The following PLXNB1 variants were observed in gnomAD, a reference collection of about 807,000 sequenced individuals.
PLXNB1 encodes plexin-B1.
Under a neutral mutation model 209.4 loss-of-function variants are expected in PLXNB1, and 106 were observed. The ratio of observed to expected loss-of-function variants is 0.51; its 90% CI spans 0.43 to 0.59. The LOEUF is 0.59. Ranked by LOEUF, PLXNB1 falls within the 20% of genes least tolerant of loss-of-function variation. PLXNB1 has a pLI of 0.00. For synonymous variants in PLXNB1, 1,167 were observed against 1,183.2 expected (o/e 0.99, Z 0.28); for missense variants, 2,357 against 2,853.2 (o/e 0.83, Z 3.96).
At position 48,424,135 on chromosome 3, in the gene PLXNB1, GC is replaced by G; in HGVS notation, c.476del (p.Gly159AlafsTer61). The stretch of plus-strand genomic sequence containing the variant: ...CAAACAGGAGGGGCTCCCCTGCCAA[GC>G]CCTGGGCTACCAGCCCCACCGTGCT... ...AVSTVGLVAQ[G>X]LAGEPLLFVG... On this transcript the variant is annotated frameshift_variant, in exon 3 of 38. Coordinates refer to ENST00000296440, the MANE Select transcript of PLXNB1 (RefSeq NM_001130082.3). LOFTEE classifies it high-confidence loss of function. 6.4e-7 allele frequency: 1 copy of G among 1,559,148 alleles called. No individual in the cohort carries two copies.
Position 48,405,784 on chromosome 3 carries a change from G to A in PLXNB1, c.6243C>T (p.Asp2081=). 1 of 1,613,576 alleles carries A rather than the reference G, an allele frequency of 6.2e-7. No homozygotes were observed. Among genetic ancestry groups the A allele is most frequent in the Non-Finnish European group, 8.5e-7 (1 of 1,179,734 alleles). The change falls in exon 37 of 38, where the codon GAC becomes GAT. Residue 2081 remains aspartate (D), a synonymous_variant. Transcript: ENST00000296440. The surrounding 1 kb of genome is among the most constrained non-coding windows in gnomAD (Gnocchi z 5.0). ...LAELSWNYSG[D]LGARVALHEL... ...CATGCAGGGCCACTCGCGCCCCGAG[G>A]TCTCCGGAGTAGTTCTAGGGAAGAG...
chr3:48,422,176 A>C lies in PLXNB1; in HGVS notation c.1449T>G (p.Ala483=). 1.9e-6 allele frequency: 3 copies of C among 1,614,096 alleles called. No homozygotes were observed. Among genetic ancestry groups the C allele is most frequent in the Non-Finnish European group, 2.5e-6 (3 of 1,179,966 alleles). ...TLLKVPVASC[A]QHLDCASCLA... ...GGCAAGATGCACAGTCCAGGTGCTG[A>C]GCACAGGAAGCCACAGGAACCTTCA... is the stretch of plus-strand genomic sequence containing the variant. Residue 483 remains alanine (A), a synonymous_variant, in exon 6 of 38, where the codon GCT becomes GCG. Transcript: ENST00000296440.
rs1044281523 is a variant in PLXNB1, at chr3:48,413,509, G to C, written c.4535+161C>G. ...GCTGCCTTTGTGCCACAGTGGCAAAGCTGAGTTGTTGAACAGAGACCACTT... is the reference window on the plus strand; with the variant it reads ...GCTGCCTTTGTGCCACAGTGGCAAACCTGAGTTGTTGAACAGAGACCACTT... On this transcript the variant is annotated intron_variant, in intron 23 of 37. Transcript: ENST00000296440. This position sits in a 1 kb window ranked among gnomAD's most constrained non-coding sequence, Gnocchi z 5.4. The C allele has an allele frequency of 4.0e-5, 29 of 724,730 alleles. 1 individual carries two copies. The South Asian group carries it at 5.6e-4, about 14-fold the overall frequency. 44.9% of individuals were successfully genotyped at this position (724,730 alleles called of 1,614,324 possible).
intron 1 of PLXNB1, among the ~76,000 whole-genome samples, 172 bp from the exon 2 acceptor site, chr3:48,425,505 C>T (rs148603150): frequency 3.9e-5 from 6 of 152,158 alleles, no homozygotes; most frequent in African/African-American, 7.2e-5. Context: ...CCACAGAGGA[C>T]GCCTCCTCAG....
In PLXNB1 at chr3:48,409,361, C is replaced by T. The variant is rs760724442; in HGVS notation, c.6055G>A (p.Ala2019Thr). The change falls in exon 34 of 38, where the codon GCC becomes ACC. Residue 2019 changes from alanine (A) to threonine (T), a missense_variant. Physicochemically the swap from Ala to Thr is moderately conservative, Grantham distance 58. Coordinates refer to ENST00000296440, the MANE Select transcript of PLXNB1 (RefSeq NM_001130082.3). This position sits in a 1 kb window ranked among gnomAD's most constrained non-coding sequence, Gnocchi z 5.8. ...AGCTTGTGGTCGGCCAGGGTGCAGG[C>T]GTCCATGAAGGTCTGTGCAATGACA... is the stretch of plus-strand genomic sequence containing the variant. ...LLVIAQTFMDACTLADHKLGR... is the reference protein window; with the variant it reads ...LLVIAQTFMDTCTLADHKLGR... 8 of 1,614,048 alleles carry T rather than the reference C, an allele frequency of 5.0e-6. No homozygotes were observed. The highest frequency in any genetic ancestry group is 2.7e-5 in the African/African-American group (2 of 74,918).
Position 48,420,031 on chromosome 3 carries a change from C to T in PLXNB1, c.2255G>A (p.Gly752Glu). Residue 752 changes from glycine to glutamate, a missense_variant, in exon 11 of 38, where the codon GGG (glycine) becomes GAG (glutamate). Physicochemically the swap from Gly to Glu is moderately conservative, Grantham distance 98. This residue lies in a region of PLXNB1 where 410 missense variants were observed against 401.0 expected (regional missense o/e 1.02). Coordinates refer to ENST00000296440, the MANE Select transcript of PLXNB1 (RefSeq NM_001130082.3). ...SGSISSPGST[G>E]SPLHEEPSPP... ...GGAGGGCTCCTCATGGAGAGGCGAC[C>T]CTGTGGAGCCAGGGGAAGATATGGA... is the stretch of plus-strand genomic sequence containing the variant. The T allele has an allele frequency of 2.5e-6, 4 of 1,609,982 alleles. No individual in the cohort carries two copies. Among genetic ancestry groups the T allele is most frequent in the African/African-American group, 1.3e-5 (1 of 74,884 alleles).
At chr3:48,427,194 CA>C (rs1041848109) in intron 1 of PLXNB1, among the ~76,000 whole-genome samples, 6 of 146,614 alleles carry the variant, frequency 4.1e-5, no homozygotes, top group South Asian at 4.4e-4. Flanking sequence ...AAAACAAAAA[CA>C]AAAAAAAAAC....
At chr3:48,408,915 T>G (rs1387461924) in intron 34 of PLXNB1, among the ~76,000 whole-genome samples, 2 of 152,110 alleles carry the variant, frequency 1.3e-5, no homozygotes, top group African/African-American at 4.8e-5. Flanking sequence ...CAGCGCCCTC[T>G]TGGGACTCCC....
In PLXNB1 at chr3:48,415,940, C is replaced by T; in HGVS notation, c.3617+91G>A. ...CTCTCTGAAGGAGCAGACTGGCCCT[C>T]TTCCCCTTTCTGCTCTCCCCAGGAT... On this transcript the variant is annotated intron_variant, in intron 18 of 37. Transcript: ENST00000296440. This position sits in a 1 kb window ranked among gnomAD's most constrained non-coding sequence, Gnocchi z 5.0. 1 of 1,461,516 alleles carries T rather than the reference C, an allele frequency of 6.8e-7. No homozygotes were observed. The highest frequency in any genetic ancestry group is 9.3e-7 in the Non-Finnish European group (1 of 1,080,806). 90.5% of individuals were successfully genotyped at this position (1,461,516 alleles called of 1,614,324 possible).
rs75080329 is a variant in PLXNB1, at chr3:48,420,631, C to T, written c.2028+34G>A. On this transcript the variant is annotated intron_variant, in intron 10 of 37. Coordinates refer to ENST00000296440, the MANE Select transcript of PLXNB1 (RefSeq NM_001130082.3). ...AACTCTCACACTGGGACCCCCAACCCCCCCGGTATGGCCCAGCCCAAAGTC... is the reference window on the plus strand; with the variant it reads ...AACTCTCACACTGGGACCCCCAACCTCCCCGGTATGGCCCAGCCCAAAGTC... The T allele has an allele frequency of 2.5e-3, 3,945 of 1,555,814 alleles. 84 individuals carry two copies. The African/African-American group carries it at 0.045, about 18-fold the overall frequency.
intron 1 of PLXNB1, among the ~76,000 whole-genome samples, chr3:48,426,755 G>C (rs1252510821): frequency 6.6e-6 from 1 of 152,176 alleles, no homozygotes; most frequent in African/African-American, 2.4e-5. Flanking sequence ...CAGGAACAAG[G>C]CTGCCTCTGT....
chr3:48,428,601 A>G (rs916527462), intron 1 of PLXNB1, among the ~76,000 whole-genome samples: 1 of 152,164 alleles, frequency 6.6e-6, no homozygotes, highest in African/African-American at 2.4e-5. Context: ...AGTTAGTGGG[A>G]AACCGGCCTT....
chr3:48,424,071 T>C lies in PLXNB1; in HGVS notation c.541A>G (p.Ile181Val). ...AGGGCCCGGGTTGTGATGGGTGGAA[T>C]GCCACCCCCCACACCCCTGCTGGTG... ...GYTSRGVGGG[I>V]PPITTRALWP... Residue 181 changes from isoleucine to valine, a missense_variant, in exon 3 of 38, where the codon ATT becomes GTT. By Grantham distance (29) the Ile-to-Val change is conservative. Coordinates refer to ENST00000296440, the MANE Select transcript of PLXNB1 (RefSeq NM_001130082.3). 6.3e-7 allele frequency: 1 copy of C among 1,577,454 alleles called. No individual in the cohort carries two copies. Among genetic ancestry groups the C allele is most frequent in the Non-Finnish European group, 8.6e-7 (1 of 1,160,890 alleles).
rs1560064212 is a variant in PLXNB1, at chr3:48,419,038, T to C, written c.2834A>G (p.Asp945Gly). 1 of 1,613,958 alleles carries C rather than the reference T, an allele frequency of 6.2e-7. No individual in the cohort carries two copies. Among genetic ancestry groups the C allele is most frequent in the East Asian group, 2.2e-5 (1 of 44,876 alleles). The stretch of plus-strand genomic sequence containing the variant: ...CACACACTCATTGTCTCCTGGGCCA[T>C]CCTGAGGGCAGAGAACACAGCTGTT... ...LLGRNLHLFQ[D>G]GPGDNECVME... Residue 945 changes from aspartate (D) to glycine (G), a missense_variant and splice_region_variant, in exon 13 of 38, where the codon GAT becomes GGT. By Grantham distance (94) the Asp-to-Gly change is moderately conservative (BLOSUM62 -1). Around this residue, in one of 7 missense-constraint regions of PLXNB1, gnomAD observed 410 missense variants for 401.0 expected, o/e 1.02. Coordinates refer to ENST00000296440, the MANE Select transcript of PLXNB1 (RefSeq NM_001130082.3). The surrounding 1 kb of genome is among the most constrained non-coding windows in gnomAD (Gnocchi z 5.7).
In PLXNB1 at chr3:48,417,780, G is replaced by A; in HGVS notation, c.3374+131C>T. The A allele has an allele frequency of 9.9e-7, 1 of 1,008,466 alleles. No homozygotes were observed. Among genetic ancestry groups the A allele is most frequent in the Admixed American group, 2.4e-5 (1 of 41,722 alleles). 62.5% of individuals were successfully genotyped at this position (1,008,466 alleles called of 1,614,324 possible). ...CTTCAGTGGCAACGCTGGCACTCGG[G>A]CATTGTGGCCAGGATCAAGGAACAG... On this transcript the variant is annotated intron_variant, in intron 16 of 37. Coordinates refer to ENST00000296440, the MANE Select transcript of PLXNB1 (RefSeq NM_001130082.3). The surrounding 1 kb of genome is among the most constrained non-coding windows in gnomAD (Gnocchi z 4.4).
Position 48,419,374 on chromosome 3 carries a change from C to T in PLXNB1, c.2710-8G>A. On this transcript the variant is annotated splice_polypyrimidine_tract_variant and splice_region_variant and intron_variant, in intron 11 of 37. Transcript: ENST00000296440. The surrounding 1 kb of genome is among the most constrained non-coding windows in gnomAD (Gnocchi z 5.7). Reference sequence around the variant, plus strand: ...CCCCAAGGTCGCCTCTTCCTGCAGGCACCAAGGGCAAGGCAGTCTATGGAG... The same window carrying T: ...CCCCAAGGTCGCCTCTTCCTGCAGGTACCAAGGGCAAGGCAGTCTATGGAG... 1 of 1,551,068 alleles carries T rather than the reference C, an allele frequency of 6.4e-7. No individual in the cohort carries two copies. The highest frequency in any genetic ancestry group is 8.7e-7 in the Non-Finnish European group (1 of 1,146,336).
In PLXNB1 at chr3:48,424,497, C is replaced by T; in HGVS notation, c.115G>A (p.Ala39Thr). Residue 39 changes from alanine to threonine, a missense_variant, in exon 3 of 38, where the codon GCA (alanine) becomes ACA (threonine). Around this residue, in one of 7 missense-constraint regions of PLXNB1, gnomAD observed 107 missense variants for 167.2 expected, o/e 0.64. Coordinates refer to ENST00000296440, the MANE Select transcript of PLXNB1 (RefSeq NM_001130082.3). The stretch of plus-strand genomic sequence containing the variant: ...AGGGTGCCTGAGGTGGGGTCCCTTG[C>T]CAGGTGCTGCAGATACGTGCCATTG... ...TPNGTYLQHL[A>T]RDPTSGTLYL... 1.9e-6 allele frequency: 3 copies of T among 1,603,450 alleles called. No homozygotes were observed. The highest frequency in any genetic ancestry group is 2.6e-6 in the Non-Finnish European group (3 of 1,175,022).
At position 48,418,152 on chromosome 3, in the gene PLXNB1, G is replaced by C. The variant is rs772961568; in HGVS notation, c.3222+39C>G. ...TGGGCCCCCACACCCTCCCTCTAAG[G>C]GCAGCACTGAGGAAGGGATGGCCAG... On this transcript the variant is annotated intron_variant, in intron 15 of 37. Coordinates refer to ENST00000296440, the MANE Select transcript of PLXNB1 (RefSeq NM_001130082.3). This position sits in a 1 kb window ranked among gnomAD's most constrained non-coding sequence, Gnocchi z 6.6. 1 of 1,611,386 alleles carries C rather than the reference G, an allele frequency of 6.2e-7. No homozygotes were observed. The highest frequency in any genetic ancestry group is 8.5e-7 in the Non-Finnish European group (1 of 1,178,918).
Position 48,415,458 on chromosome 3 carries a change from C to T in PLXNB1, c.3795-111G>A. The T allele has an allele frequency of 7.0e-7, 1 of 1,420,176 alleles. No individual in the cohort carries two copies. The allele number at this position is 1,420,176 out of a possible 1,614,324, so 88.0% of individuals were successfully genotyped here. Reference sequence around the variant, plus strand: ...CAGCCCCAGCCCCAAACCACACGACCCCTTGCCCCTACTAGCAGCATGGGA... The same window carrying T: ...CAGCCCCAGCCCCAAACCACACGACTCCTTGCCCCTACTAGCAGCATGGGA... On this transcript the variant is annotated intron_variant, in intron 19 of 37. Coordinates refer to ENST00000296440, the MANE Select transcript of PLXNB1 (RefSeq NM_001130082.3). This position sits in a 1 kb window ranked among gnomAD's most constrained non-coding sequence, Gnocchi z 5.0.
Sources: gnomAD v4.1 joint callset for allele counts (sites outside exome capture counted in the v4.1 genomes callset) on GRCh38, gnomAD v4.1.1 for gene constraint, gnomAD v4.1.1 regional missense constraint, Gnocchi (gnomAD v3.1) non-coding constraint, MANE v1.5 for transcripts, NCBI Gene and HGNC (gene_info 2026-07-23, HGNC 2026-07-21) for gene names.